Variants in OLFM3 observed in about 807,000 individuals in gnomAD.
OLFM3 encodes the protein olfactomedin 3.
Under a neutral mutation model 48.6 loss-of-function variants are expected in OLFM3, and 20 were observed. The observed-to-expected ratio is 0.41, with a 90% confidence interval of 0.29 to 0.60. The LOEUF is 0.60. Ranked by LOEUF, OLFM3 falls within the 20% of genes least tolerant of loss-of-function variation. The probability of loss-of-function intolerance (pLI) is 0.28; values close to 1 mark genes in which losing one functional copy is unlikely to be tolerated. For synonymous variants in OLFM3, 222 were observed against 198.1 expected, an observed-to-expected ratio of 1.12 and a Z score of -1.01; for missense variants, 437 against 544.3, an observed-to-expected ratio of 0.80 and a Z score of 1.96.
intron 1 of OLFM3, among the ~76,000 whole-genome samples, chr1:101,844,037 T>A (rs1655863958): frequency 6.6e-6 from 1 of 152,190 alleles, no homozygotes; most frequent in Non-Finnish European, 1.5e-5. Context: ...CAATACCTAG[T>A]GAGCCAGGGA....
intron 1 of OLFM3, among the ~76,000 whole-genome samples, chr1:101,989,780 A>G (rs1311083480): frequency 6.6e-6 from 1 of 152,218 alleles, no homozygotes; most frequent in East Asian, 1.9e-4. Flanking sequence ...GATCAATATA[A>G]GCAGAGGGAC....
chr1:101,964,609 GA>G lies in OLFM3; in HGVS notation c.69+32138del, dbSNP rs534490667. Among the ~76,000 whole-genome samples, 347 of 151,600 alleles carry G rather than the reference GA, an allele frequency of 2.3e-3. 2 individuals carry two copies. The highest frequency in any genetic ancestry group is 3.4e-3 in the Non-Finnish European group (233 of 67,820). ...TTACTTTCTAAACTTTATTTTTAGG[GA>G]AAAAAAAGAAATTATTGTTTAAACT... On this transcript the variant is annotated intron_variant, in intron 1 of 5. Coordinates refer to ENST00000370103, the MANE Select transcript of OLFM3 (RefSeq NM_058170.4).
intron 1 of OLFM3, among the ~76,000 whole-genome samples, chr1:101,887,877 C>T (rs1657829817): frequency 6.6e-6 from 1 of 151,188 alleles, no homozygotes; most frequent in Admixed American, 6.6e-5. Context: ...CTTACATTTG[C>T]ATTGTTTGAA....
chr1:101,949,956 A>G (rs2101069637), intron 1 of OLFM3, among the ~76,000 whole-genome samples: 1 of 127,950 alleles, frequency 7.8e-6, no homozygotes, highest in African/African-American at 2.9e-5. Context: ...AAAGCCTCTG[A>G]TGCGGAGTTT....
At chr1:101,853,183 C>T (rs542768074) in intron 1 of OLFM3, among the ~76,000 whole-genome samples, 49 of 152,128 alleles carry the variant, frequency 3.2e-4, no homozygotes, top group African/African-American at 1.1e-3. Context: ...TCATTTCTTT[C>T]AGCTCTCCCC....
Position 101,876,299 on chromosome 1 carries a change from C to T in OLFM3, c.70-39274G>A, listed in dbSNP as rs116732433. On this transcript the variant is annotated intron_variant, in intron 1 of 5. Coordinates refer to ENST00000370103, the MANE Select transcript of OLFM3 (RefSeq NM_058170.4). ...AAGGGAATTGGTGAATGCCAGAAGACAGTGGTGTTAAGTGTTGGCTGGCTT... is the reference window on the plus strand; with the variant it reads ...AAGGGAATTGGTGAATGCCAGAAGATAGTGGTGTTAAGTGTTGGCTGGCTT... 1.2e-3 allele frequency among the ~76,000 whole-genome samples: 178 copies of T among 152,062 alleles called. 1 individual carries two copies. The highest frequency in any genetic ancestry group is 4.0e-3 in the African/African-American group (165 of 41,508).
At chr1:101,873,011 G>C (rs866435586) in intron 1 of OLFM3, among the ~76,000 whole-genome samples, 1 of 151,858 alleles carries the variant, frequency 6.6e-6, no homozygotes, top group African/African-American at 2.4e-5. Flanking sequence ...ATGTTTCAGT[G>C]AATACTTAAA....
Position 101,804,221 on chromosome 1 carries a change from A to C in OLFM3, c.*17T>G, listed in dbSNP as rs1653646604. ...CAAATCACACTGTTTAAATCAATGA[A>C]AACATGTCACATTTGCCTATGTGTC... On this transcript the variant is annotated 3_prime_UTR_variant, in exon 6 of 6. Transcript: ENST00000370103. The surrounding 1 kb of genome is among the most constrained non-coding windows in gnomAD (Gnocchi z 4.5). 1 of 1,543,272 alleles carries C rather than the reference A, an allele frequency of 6.5e-7. No individual in the cohort carries two copies. Among genetic ancestry groups the C allele is most frequent in the South Asian group, 1.3e-5 (1 of 78,848 alleles).
At chr1:101,910,702 C>A (rs2000150) in intron 1 of OLFM3, among the ~76,000 whole-genome samples, 65,805 of 151,960 alleles carry the variant, frequency 0.43, 14,343 homozygotes, top group East Asian at 0.59. Context: ...TAGATTATAA[C>A]GTCCTGAGGG....
chr1:101,845,411 T>C (rs1484635498), intron 1 of OLFM3, among the ~76,000 whole-genome samples: 1 of 152,164 alleles, frequency 6.6e-6, no homozygotes, highest in Admixed American at 6.5e-5. Context: ...AGCCAATGTC[T>C]ATATACACAA....
At chr1:101,944,183 A>T (rs1385357245) in intron 1 of OLFM3, among the ~76,000 whole-genome samples, 2 of 152,054 alleles carry the variant, frequency 1.3e-5, no homozygotes, top group Non-Finnish European at 1.5e-5. Context: ...ATTATCACAT[A>T]TAAATTATGT....
At chr1:101,848,201 A>G (rs1293369220) in intron 1 of OLFM3, among the ~76,000 whole-genome samples, 1 of 152,214 alleles carries the variant, frequency 6.6e-6, no homozygotes, top group Non-Finnish European at 1.5e-5. Context: ...TATAAAGAGA[A>G]GACACAAAAC....
In OLFM3 at chr1:101,803,526, T is replaced by C. The variant is rs771228119; in HGVS notation, c.*712A>G. The C allele has an allele frequency of 6.6e-6, 1 of 152,140 alleles. No homozygotes were observed. The highest frequency in any genetic ancestry group is 1.5e-5 in the Non-Finnish European group (1 of 67,786). 9.4% of individuals were successfully genotyped at this position (152,140 alleles called of 1,614,324 possible). A position where few individuals can be genotyped will look rare whatever the true frequency, so the allele number is the denominator to read the frequency against. On this transcript the variant is annotated 3_prime_UTR_variant, in exon 6 of 6. Transcript: ENST00000370103. ...AGTTTATAATGCTTATGTAAAGGGG[T>C]AAGCCAAGAAGATTATTCTTGACCA...
At chr1:101,905,387 T>C (rs554877962) in intron 1 of OLFM3, among the ~76,000 whole-genome samples, 8 of 152,282 alleles carry the variant, frequency 5.3e-5, no homozygotes, top group Admixed American at 5.2e-4. Context: ...ATACACTCAA[T>C]GATGGAGTCA....
intron 1 of OLFM3, among the ~76,000 whole-genome samples, chr1:101,903,860 C>G (rs376956734): frequency 6.6e-6 from 1 of 151,960 alleles, no homozygotes; most frequent in Middle Eastern, 3.2e-3. Flanking sequence ...CATGGCAATA[C>G]ATTATTTTTA....
At chr1:101,960,379 G>A (rs972647262) in intron 1 of OLFM3, among the ~76,000 whole-genome samples, 2 of 152,164 alleles carry the variant, frequency 1.3e-5, no homozygotes, top group Non-Finnish European at 2.9e-5. Context: ...CTTAGAGCAA[G>A]GCAGGGAGTG....
At chr1:101,820,121 C>T (rs1428585992) in intron 4 of OLFM3, among the ~76,000 whole-genome samples, 2 of 152,044 alleles carry the variant, frequency 1.3e-5, no homozygotes, top group Non-Finnish European at 2.9e-5. Flanking sequence ...AAAATATTAG[C>T]CCATAGATAC....
intron 5 of OLFM3, 50 bp downstream of exon 5, chr1:101,806,026 G>T: frequency 7.3e-7 from 1 of 1,361,050 alleles, no homozygotes; most frequent in East Asian, 2.3e-5. Flanking sequence ...AAGAGAAAAA[G>T]TGTAAGCAGA....
At chr1:101,910,244 A>G in intron 1 of OLFM3, 1 of 405,348 alleles carries the variant, frequency 2.5e-6, no homozygotes, top group Non-Finnish European at 3.3e-6. Flanking sequence ...AGGCGGGCGG[A>G]TCACAAGGTC....
Sources: allele counts gnomAD v4.1 joint callset (sites outside exome capture counted in the v4.1 genomes callset), GRCh38; gene constraint gnomAD v4.1.1; non-coding constraint Gnocchi (gnomAD v3.1); transcripts MANE v1.5; gene names NCBI Gene and HGNC (gene_info 2026-07-23, HGNC 2026-07-21).